The following ANKRD17 variants were observed in gnomAD, a reference collection of about 807,000 sequenced individuals.
The protein encoded by ANKRD17 is ankyrin repeat domain-containing protein 17.
In ANKRD17, 19 loss-of-function variants were observed where a neutral mutation model predicts 229.7. The ratio of observed to expected loss-of-function variants is 0.08; its 90% confidence interval spans 0.06 to 0.12. The LOEUF is 0.12. Ranked by LOEUF, ANKRD17 falls within the 10% of genes least tolerant of loss-of-function variation. The pLI, the probability that ANKRD17 is intolerant of heterozygous loss-of-function variation, is 1.00. For missense variants in ANKRD17, 2,176 were observed against 3,176.8 expected, an observed-to-expected ratio of 0.68 and a Z score of 7.57; for synonymous variants, 1,112 against 1,146.1, an observed-to-expected ratio of 0.97 and a Z score of 0.60.
At chr4:73,163,131 C>T (rs1329111465) in intron 2 of ANKRD17, among the ~76,000 whole-genome samples, 2 of 151,608 alleles carry the variant, frequency 1.3e-5, no homozygotes, top group East Asian at 3.9e-4. Flanking sequence ...TCCCAAAGGG[C>T]TAGGTTTACA....
chr4:73,112,178 T>C (rs751343881), intron 24 of ANKRD17, among the ~76,000 whole-genome samples: 19 of 152,202 alleles, frequency 1.2e-4, no homozygotes, highest in Non-Finnish European at 1.3e-4. Context: ...AAAGGCCTTA[T>C]AGGTAATTGC....
At chr4:73,218,671 A>G (rs1044611039) in intron 1 of ANKRD17, among the ~76,000 whole-genome samples, 3 of 151,528 alleles carry the variant, frequency 2.0e-5, no homozygotes, top group Admixed American at 6.6e-5. Flanking sequence ...AAAGATACCA[A>G]TGGCAGACAT....
At chr4:73,120,632 T>C (rs1726603865) in intron 20 of ANKRD17, among the ~76,000 whole-genome samples, 2 of 152,094 alleles carry the variant, frequency 1.3e-5, no homozygotes, top group Admixed American at 6.5e-5. Flanking sequence ...TTCCATTCCC[T>C]TCCTTTTCAA....
At chr4:73,226,389 G>GTATTTTTTTTTT (rs1742503432) in intron 1 of ANKRD17, among the ~76,000 whole-genome samples, 1 of 87,612 alleles carries the variant, frequency 1.1e-5, no homozygotes, top group Non-Finnish European at 2.1e-5. Context: ...CTTTTCTTCT[G>GTATTTTTTTTTT]TTTTTTTTTT....
chr4:73,142,220 G>A, intron 13 of ANKRD17, 22 bp downstream of exon 13: 1 of 1,524,736 alleles, frequency 6.6e-7, no homozygotes, highest in Non-Finnish European at 8.7e-7. Flanking sequence ...ACCATAAAAT[G>A]CTTTAATTTT....
At chr4:73,186,243 A>G (rs1437012469) in intron 1 of ANKRD17, among the ~76,000 whole-genome samples, 1 of 152,066 alleles carries the variant, frequency 6.6e-6, no homozygotes, top group African/African-American at 2.4e-5. Context: ...TACAATTCAA[A>G]TATTTTTTCT....
intron 10 of ANKRD17, 34 bp downstream of exon 10, chr4:73,146,730 T>A: frequency 1.4e-6 from 2 of 1,431,408 alleles, no homozygotes; most frequent in Non-Finnish European, 1.9e-6. Flanking sequence ...TTCTTATTGT[T>A]AAATATTAAG....
At chr4:73,171,178 G>GGAGAGAAAGA (rs1733952829) in intron 2 of ANKRD17, among the ~76,000 whole-genome samples, 1 of 104,446 alleles carries the variant, frequency 9.6e-6, no homozygotes, top group Non-Finnish European at 1.8e-5. Context: ...CTCAGAGGGG[G>GGAGAGAAAGA]GAGAGAGAGA....
chr4:73,139,927 G>T lies in ANKRD17; in HGVS notation c.2689C>A (p.Gln897Lys). Residue 897 changes from glutamine (Q) to lysine (K), a missense_variant, in exon 15 of 34, where the codon CAA (glutamine) becomes AAA (lysine). Around this residue, in one of 18 missense-constraint regions of ANKRD17, gnomAD observed 230 missense variants for 252.3 expected, o/e 0.91. Coordinates refer to ENST00000358602, the MANE Select transcript of ANKRD17 (RefSeq NM_032217.5). ...GACTGTTGCTGCTGTTGCTGAAGTT[G>T]AATTCTTTGAGCTTTAACCTCTAGA... is the stretch of plus-strand genomic sequence containing the variant. ...QYLEVKAQRIQLQQQQQQSCQ... is the reference protein window; with the variant it reads ...QYLEVKAQRIKLQQQQQQSCQ... 6.2e-7 allele frequency: 1 copy of T among 1,614,196 alleles called. No homozygotes were observed. The highest frequency in any genetic ancestry group is 8.5e-7 in the Non-Finnish European group (1 of 1,180,046).
At chr4:73,204,118 G>C (rs934130954) in intron 1 of ANKRD17, among the ~76,000 whole-genome samples, 5 of 151,966 alleles carry the variant, frequency 3.3e-5, no homozygotes, top group Non-Finnish European at 7.4e-5. Flanking sequence ...CCAGCACTTT[G>C]GGAGGCACAG....
At chr4:73,179,488 GTATATATATATATA>G (rs1169079744) in intron 1 of ANKRD17, among the ~76,000 whole-genome samples, 1 of 48,240 alleles carries the variant, frequency 2.1e-5, no homozygotes, top group Non-Finnish European at 3.6e-5. Context: ...GTGTGTGTGT[GTATATATATATATA>G]TATATATATA....
At chr4:73,093,370 C>CAA (rs1251868156) in intron 28 of ANKRD17, among the ~76,000 whole-genome samples, 2 of 130,438 alleles carry the variant, frequency 1.5e-5, no homozygotes, top group Non-Finnish European at 3.1e-5. Flanking sequence ...AATCTGAACT[C>CAA]AAATTCTTTT....
In ANKRD17 at chr4:73,090,749, A is replaced by G. The variant is rs769120846; in HGVS notation, c.6879T>C (p.Asn2293=). 1.5e-5 allele frequency: 25 copies of G among 1,614,082 alleles called. No individual in the cohort carries two copies. The highest frequency in any genetic ancestry group is 2.2e-5 in the East Asian group (1 of 44,892). The stretch of plus-strand genomic sequence containing the variant: ...TATCAGACTGATGTAAAGGATCTGA[A>G]TTTGGCAAATATGAGGATTTTCCTG... The part of the protein sequence containing the change: ...MLSGKSSYLP[N]SDPLHQSDTS... The change falls in exon 29 of 34, where the codon AAT becomes AAC. Residue 2293 remains asparagine (N), a synonymous_variant. Coordinates refer to ENST00000358602, the MANE Select transcript of ANKRD17 (RefSeq NM_032217.5).
chr4:73,125,009 C>T lies in ANKRD17; in HGVS notation c.3396G>A (p.Val1132=), dbSNP rs1349089858. 6.2e-7 allele frequency: 1 copy of T among 1,614,120 alleles called. No individual in the cohort carries two copies. Among genetic ancestry groups the T allele is most frequent in the South Asian group, 1.1e-5 (1 of 91,086 alleles). ...LAATAGHVGV[V]EILLDNGADI... ...CTGCACCATTGTCCAGCAATATTTC[C>T]ACAACACCAACATGACCAGCTGTGG... is the stretch of plus-strand genomic sequence containing the variant. Residue 1132 remains valine, a synonymous_variant, in exon 18 of 34, where the codon GTG becomes GTA. Transcript: ENST00000358602.
chr4:73,120,618 A>C (rs1726600338), intron 20 of ANKRD17, among the ~76,000 whole-genome samples: 1 of 151,894 alleles, frequency 6.6e-6, no homozygotes, highest in Admixed American at 6.6e-5. Flanking sequence ...GTACTCAATA[A>C]ATGTTCCATT....
intron 16 of ANKRD17, among the ~76,000 whole-genome samples, chr4:73,128,919 G>GA (rs761733092): frequency 6.6e-6 from 1 of 151,736 alleles, no homozygotes; most frequent in East Asian, 1.9e-4. Context: ...ACAAAGTAAA[G>GA]AAAAAAACAG....
At chr4:73,130,564 T>C (rs1013908964) in intron 16 of ANKRD17, among the ~76,000 whole-genome samples, 1 of 151,970 alleles carries the variant, frequency 6.6e-6, no homozygotes, top group Non-Finnish European at 1.5e-5. Flanking sequence ...AATGAATATA[T>C]GTTAATTATT....
At chr4:73,167,720 A>G (rs2076006510) in intron 2 of ANKRD17, among the ~76,000 whole-genome samples, 1 of 152,188 alleles carries the variant, frequency 6.6e-6, no homozygotes, top group African/African-American at 2.4e-5. Flanking sequence ...TTCTGTACAA[A>G]TAGTTTTCTT....
chr4:73,156,214 A>T, intron 3 of ANKRD17, 48 bp from the exon 4 acceptor site: 1 of 1,533,310 alleles, frequency 6.5e-7, no homozygotes, highest in Non-Finnish European at 8.7e-7. Context: ...AATATTAAAA[A>T]ATTGCACAGC....
Sources: allele counts gnomAD v4.1 joint callset (sites outside exome capture counted in the v4.1 genomes callset), GRCh38; gene constraint gnomAD v4.1.1; regional missense constraint gnomAD v4.1.1; transcripts MANE v1.5; gene names NCBI Gene and HGNC (gene_info 2026-07-23, HGNC 2026-07-21).